ADAMTS12: variants seen among roughly 807,000 people sequenced by gnomAD.
The protein encoded by ADAMTS12 is A disintegrin and metalloproteinase with thrombospondin motifs 12.
Under a neutral mutation model 167.8 loss-of-function variants are expected in ADAMTS12, and 118 were observed. The ratio of observed to expected loss-of-function variants is 0.70; its 90% confidence interval spans 0.61 to 0.82. ADAMTS12 has a LOEUF of 0.82. Ranked by LOEUF, ADAMTS12 falls within the 40% of genes least tolerant of loss-of-function variation. ADAMTS12 has a pLI of 0.00. For missense variants in ADAMTS12, 1,916 were observed against 1,998.8 expected (o/e 0.96, Z 0.79); for synonymous variants, 704 against 716.9 (o/e 0.98, Z 0.29).
intron 5 of ADAMTS12, among the ~76,000 whole-genome samples, chr5:33,676,526 A>T (rs1012610766): frequency 4.3e-4 from 53 of 123,232 alleles, no homozygotes; most frequent in African/African-American, 2.2e-3. Context: ...CCCCATCTTT[A>T]AAAAAAAAAT....
At chr5:33,631,289 T>C (rs1356054621) in intron 12 of ADAMTS12, among the ~76,000 whole-genome samples, 1 of 152,108 alleles carries the variant, frequency 6.6e-6, no homozygotes, top group Non-Finnish European at 1.5e-5. Context: ...CATGAAGGAC[T>C]CCAGGCAAGC....
intron 16 of ADAMTS12, among the ~76,000 whole-genome samples, chr5:33,597,739 C>T (rs1444401874): frequency 1.3e-5 from 2 of 152,052 alleles, no homozygotes; most frequent in African/African-American, 4.8e-5. Context: ...TTCAACCTCT[C>T]AGGCTTTCCC....
At chr5:33,793,879 C>G (rs1746671932) in intron 2 of ADAMTS12, among the ~76,000 whole-genome samples, 2 of 152,186 alleles carry the variant, frequency 1.3e-5, no homozygotes, top group South Asian at 4.1e-4. Context: ...AGTTCTTCCC[C>G]CCTCCCCGCC....
chr5:33,658,386 C>T, intron 6 of ADAMTS12, 53 bp from the exon 7 acceptor site: 4 of 1,591,394 alleles, frequency 2.5e-6, no homozygotes, highest in African/African-American at 1.4e-5. Context: ...TCTGGAAAAA[C>T]CTCCTGGAAA....
rs771310895 is a variant in ADAMTS12 at position 33,643,403 on chromosome 5, T to C, written c.1547A>G (p.Asp516Gly). The C allele has an allele frequency of 1.9e-6, 3 of 1,614,140 alleles. No homozygotes were observed. The East Asian group carries it at 6.7e-5, about 36-fold the overall frequency. The change falls in exon 10 of 24, where the codon GAT (aspartate) becomes GGT (glycine). Residue 516 changes from aspartate to glycine, a missense_variant. Transcript: ENST00000504830. ...CTTCTTCTCACCACATTGAGTTCCA[T>C]CTGCAGCAGCGTCCAGCTTAGAGCG... ...FCRSKLDAAA[D>G]GTQCGEKKWC... is the part of the protein sequence containing the mutation.
intron 19 of ADAMTS12, among the ~76,000 whole-genome samples, chr5:33,567,171 A>T (rs756645727): frequency 2.6e-5 from 4 of 150,962 alleles, no homozygotes; most frequent in Non-Finnish European, 5.9e-5. Flanking sequence ...ACACACACAC[A>T]TGTCATTCAT....
At chr5:33,554,238 T>C (rs1314495798) in intron 20 of ADAMTS12, among the ~76,000 whole-genome samples, 1 of 152,136 alleles carries the variant, frequency 6.6e-6, no homozygotes, top group Non-Finnish European at 1.5e-5. Flanking sequence ...GGTAATGGCA[T>C]GCACAGAGAC....
chr5:33,641,019 T>C (rs1462151707), intron 11 of ADAMTS12, among the ~76,000 whole-genome samples: 1 of 151,868 alleles, frequency 6.6e-6, no homozygotes, highest in East Asian at 1.9e-4. Flanking sequence ...TCAAAGTAGA[T>C]GAATGTAAAT....
At chr5:33,800,732 C>T (rs1346894949) in intron 2 of ADAMTS12, among the ~76,000 whole-genome samples, 1 of 152,106 alleles carries the variant, frequency 6.6e-6, no homozygotes, top group Non-Finnish European at 1.5e-5. Flanking sequence ...AAGAAGCTTA[C>T]ATTCAATGGT....
chr5:33,728,938 GAT>G (rs1744079100), intron 3 of ADAMTS12, among the ~76,000 whole-genome samples: 1 of 152,128 alleles, frequency 6.6e-6, no homozygotes, highest in Admixed American at 6.5e-5. Flanking sequence ...ATATGTACAT[GAT>G]ATATCATATG....
chr5:33,822,489 G>A (rs1747904016), intron 2 of ADAMTS12, among the ~76,000 whole-genome samples: 1 of 151,994 alleles, frequency 6.6e-6, no homozygotes, highest in Non-Finnish European at 1.5e-5. Context: ...TAATCTCCAT[G>A]GTGTTCTCCA....
Position 33,891,936 on chromosome 5 carries a change from G to T in ADAMTS12, c.-80C>A. 1 of 1,538,194 alleles carries T rather than the reference G, an allele frequency of 6.5e-7. No individual in the cohort carries two copies. Among genetic ancestry groups the T allele is most frequent in the South Asian group, 1.2e-5 (1 of 80,528 alleles). On this transcript the variant is annotated 5_prime_UTR_variant, in exon 1 of 24. It adds an upstream start codon to the 5' untranslated region. Transcript: ENST00000504830. ...AAATAAAGCGCTCGCCTGTGGCCCA[G>T]CAGGAAGATGCAGGGGTGCATGGTC...
chr5:33,607,410 A>C (rs1738501945), intron 16 of ADAMTS12, among the ~76,000 whole-genome samples: 1 of 152,234 alleles, frequency 6.6e-6, no homozygotes, highest in Non-Finnish European at 1.5e-5. Flanking sequence ...ATTCCTATGT[A>C]TCTCTAAGGA....
At chr5:33,891,691 C>T (rs779347337) in intron 1 of ADAMTS12, 39 bp downstream of exon 1, 1 of 1,612,456 alleles carries the variant, frequency 6.2e-7, no homozygotes, top group Non-Finnish European at 8.5e-7. Context: ...CAAGTCTTAC[C>T]ACCACTGTTT....
chr5:33,716,553 GTCC>G (rs1743622678), intron 3 of ADAMTS12, among the ~76,000 whole-genome samples: 1 of 151,896 alleles, frequency 6.6e-6, no homozygotes, highest in Non-Finnish European at 1.5e-5. Context: ...AGTTTCTCCT[GTCC>G]TCCTATGAAT....
intron 14 of ADAMTS12, among the ~76,000 whole-genome samples, chr5:33,620,080 C>T (rs942573755): frequency 2.0e-5 from 3 of 152,204 alleles, no homozygotes; most frequent in Non-Finnish European, 2.9e-5. Context: ...GTGAAAGCTA[C>T]ATGAAAGATA....
chr5:33,635,291 G>A (rs1231121421), intron 12 of ADAMTS12, among the ~76,000 whole-genome samples: 3 of 152,142 alleles, frequency 2.0e-5, no homozygotes, highest in African/African-American at 7.2e-5. Flanking sequence ...CCTGGCTTAC[G>A]AAATAATCGA....
At chr5:33,586,069 G>C (rs142177486) in intron 18 of ADAMTS12, among the ~76,000 whole-genome samples, 3 of 152,270 alleles carry the variant, frequency 2.0e-5, no homozygotes, top group African/African-American at 7.2e-5. Flanking sequence ...GACCATCCAG[G>C]GTGATGAAAA....
chr5:33,538,902 CA>C (rs1744544044), intron 22 of ADAMTS12, among the ~76,000 whole-genome samples: 1 of 152,124 alleles, frequency 6.6e-6, no homozygotes, highest in Non-Finnish European at 1.5e-5. Context: ...CAGGATAAGA[CA>C]AATCAGAATG....
Sources: gnomAD v4.1 joint callset for allele counts (sites outside exome capture counted in the v4.1 genomes callset) on GRCh38, gnomAD v4.1.1 for gene constraint, MANE v1.5 for transcripts, NCBI Gene and HGNC (gene_info 2026-07-23, HGNC 2026-07-21) for gene names.